CCDC33: variants seen among roughly 807,000 people sequenced by gnomAD.
The protein encoded by CCDC33 is coiled-coil domain containing 33, also known as coiled-coil domain-containing protein 33.
Under a neutral mutation model 91.9 loss-of-function variants are expected in CCDC33, and 94 were observed. The ratio of observed to expected loss-of-function variants is 1.02; its 90% CI spans 0.87 to 1.21. The LOEUF is 1.21. CCDC33 is among the 50% of genes most tolerant of loss of function. The pLI, the probability that CCDC33 is intolerant of heterozygous loss-of-function variation, is 0.00. For missense variants in CCDC33, 940 were observed against 935.5 expected (o/e 1.00, Z -0.06); for synonymous variants, 396 against 374.5 (o/e 1.06, Z -0.66).
chr15:74,224,189 G>A (rs895125534), intron 2 of CCDC33, among the ~76,000 whole-genome samples: 1 of 152,082 alleles, frequency 6.6e-6, no homozygotes, highest in Admixed American at 6.5e-5. Flanking sequence ...AGGCTGGGGT[G>A]GGGGGCACTT....
At chr15:74,238,773 G>T in intron 1 of CCDC33, among the ~76,000 whole-genome samples, 1 of 151,502 alleles carries the variant, frequency 6.6e-6, no homozygotes, top group Non-Finnish European at 1.5e-5. Context: ...TATGAGTTCA[G>T]GGGGGCATCC....
At chr15:74,306,666 C>T (rs941770073) in intron 11 of CCDC33, among the ~76,000 whole-genome samples, 1 of 152,140 alleles carries the variant, frequency 6.6e-6, no homozygotes, top group African/African-American at 2.4e-5. Flanking sequence ...CGAATGCCTC[C>T]CTCCAGTGAG....
At chr15:74,234,179 A>G (rs2075072613), upstream of CCDC33, among the ~76,000 whole-genome samples, 1 of 152,222 alleles carries the variant, frequency 6.6e-6, no homozygotes, top group African/African-American at 2.4e-5. Flanking sequence ...TGCCCCTCCC[A>G]GAACTATGGG....
intron 1 of CCDC33, among the ~76,000 whole-genome samples, chr15:74,204,937 AAAAAAAG>A (rs1264520010): frequency 7.4e-6 from 1 of 134,662 alleles, no homozygotes; most frequent in Non-Finnish European, 1.7e-5. Context: ...TCCATCTCAA[AAAAAAAG>A]AAAGAAAGAA....
At chr15:74,263,672 C>G (rs111227544) in intron 3 of CCDC33, among the ~76,000 whole-genome samples, 1,967 of 152,296 alleles carry the variant, frequency 0.013, 43 homozygotes, top group African/African-American at 0.044. Flanking sequence ...CACATGCGTG[C>G]CTGTGTGTGC....
chr15:74,265,516 T>C (rs1322161383), intron 3 of CCDC33, among the ~76,000 whole-genome samples: 1 of 152,186 alleles, frequency 6.6e-6, no homozygotes, highest in African/African-American at 2.4e-5. Context: ...TCTAGATGTG[T>C]TATGTTGATC....
At chr15:74,336,397 G>A (rs2060568043), downstream of CCDC33, 1 of 1,319,416 alleles carries the variant, frequency 7.6e-7, no homozygotes, top group Non-Finnish European at 9.9e-7. Context: ...GACCAGCTCT[G>A]TTGGGAAATA....
chr15:74,260,702 A>T (rs77329904), intron 2 of CCDC33, among the ~76,000 whole-genome samples: 1 of 152,076 alleles, frequency 6.6e-6, no homozygotes, highest in African/African-American at 2.4e-5. Context: ...TGCTCTTTCC[A>T]GGATTCCACA....
rs368467860 is a variant in CCDC33 at position 74,325,362 on chromosome 15, C to T, written c.1291-4827C>T. Among the ~76,000 whole-genome samples, 300 of 152,208 alleles carry T rather than the reference C, an allele frequency of 2.0e-3. 3 individuals are homozygous for T. The highest frequency in any genetic ancestry group is 1.9e-4 in the East Asian group (1 of 5,182). On this transcript the variant is annotated intron_variant, in intron 11 of 18. Transcript: ENST00000398814. ...CTCCCTGCCTTTGCCACAGTGTCTC[C>T]TCTGCCCAAGAGCCCTCTCCCCTAC...
In CCDC33 at chr15:74,335,093, G is replaced by A; in HGVS notation, c.2139+5G>A. 6.2e-7 allele frequency: 1 copy of A among 1,608,610 alleles called. No individual in the cohort carries two copies. The highest frequency in any genetic ancestry group is 8.5e-7 in the Non-Finnish European group (1 of 1,174,976). ...TCCATCATCATAGAACAGCCTGTGA[G>A]TGACCCCCCTGGAGTAGCTCCCAGG... On this transcript the variant is annotated splice_donor_5th_base_variant and intron_variant, in intron 18 of 18. Transcript: ENST00000398814.
chr15:74,256,471 A>G (rs2075868733), intron 2 of CCDC33, among the ~76,000 whole-genome samples: 1 of 152,090 alleles, frequency 6.6e-6, no homozygotes, highest in Admixed American at 6.5e-5. Flanking sequence ...CATTGAGAGG[A>G]TTCCACGTCC....
intron 1 of CCDC33, among the ~76,000 whole-genome samples, chr15:74,239,152 A>G (rs1477904467): frequency 1.3e-5 from 2 of 151,834 alleles, no homozygotes; most frequent in African/African-American, 4.8e-5. Context: ...GCCCCGCTCC[A>G]GCTAGTGTGA....
chr15:74,209,709 C>T (rs1273121367), intron 2 of CCDC33: 5 of 467,170 alleles, frequency 1.1e-5, no homozygotes, highest in Admixed American at 3.8e-5. Flanking sequence ...TGAGCACAGG[C>T]TCTCCCTACC....
rs779612745 is a variant in CCDC33, at chr15:74,217,719, G to A, written c.310+138G>A. 3.4e-4 allele frequency: 230 copies of A among 677,318 alleles called. 1 individual carries two copies. Among genetic ancestry groups the A allele is most frequent in the Admixed American group, 4.5e-4 (10 of 22,008 alleles). The allele number at this position is 677,318 out of a possible 1,614,324, so 42.0% of individuals were successfully genotyped here. On this transcript the variant is annotated intron_variant, in intron 1 of 2. Transcript: ENST00000635913. ...CCAGACTGCATCCCAAAGCTCTGCCGGTGTGACCTTGGGCAAATTCTGGGC... is the reference window on the plus strand; with the variant it reads ...CCAGACTGCATCCCAAAGCTCTGCCAGTGTGACCTTGGGCAAATTCTGGGC...
chr15:74,274,767 C>G (rs192320574), intron 7 of CCDC33, among the ~76,000 whole-genome samples: 1 of 152,380 alleles, frequency 6.6e-6, no homozygotes, highest in Non-Finnish European at 1.5e-5. Context: ...CCTTTGCTGC[C>G]TAACTAGTCT....
intron 2 of CCDC33, among the ~76,000 whole-genome samples, chr15:74,223,916 A>C (rs1177805639): frequency 6.6e-6 from 1 of 152,154 alleles, no homozygotes; most frequent in Non-Finnish European, 1.5e-5. Context: ...CCCCTTGAGT[A>C]GGGGGTGGGA....
chr15:74,268,470 G>A lies in CCDC33; in HGVS notation c.546+12G>A, dbSNP rs751573252. The A allele has an allele frequency of 6.3e-7, 1 of 1,575,458 alleles. No individual in the cohort carries two copies. The highest frequency in any genetic ancestry group is 2.3e-5 in the East Asian group (1 of 44,130). On this transcript the variant is annotated intron_variant, in intron 5 of 18. Transcript: ENST00000398814. ...ACATGGCTCTGGAGGTACCAGGGCT[G>A]GGGCCCTCTGGGGTGGTGGTGGGGG...
At chr15:74,232,020 A>G (rs116862742), upstream of CCDC33, among the ~76,000 whole-genome samples, 130 of 152,310 alleles carry the variant, frequency 8.5e-4, no homozygotes, top group Non-Finnish European at 1.7e-3. Context: ...TCTCAAAAAG[A>G]AAAAAGAAAA....
At chr15:74,222,470 AT>A (rs2074630360) in intron 2 of CCDC33, among the ~76,000 whole-genome samples, 8 of 149,434 alleles carry the variant, frequency 5.4e-5, no homozygotes, top group Admixed American at 5.3e-4. Flanking sequence ...CATAGAAACG[AT>A]TTCGTTTCCC....
Sources: allele counts gnomAD v4.1 joint callset (sites outside exome capture counted in the v4.1 genomes callset), GRCh38; gene constraint gnomAD v4.1.1; transcripts MANE v1.5; gene names NCBI Gene and HGNC (gene_info 2026-07-23, HGNC 2026-07-21).